MALRD1: variants seen among roughly 807,000 people sequenced by gnomAD.
MALRD1 encodes the protein MAM and LDL-receptor class A domain-containing protein 1.
Under a neutral mutation model 242.1 loss-of-function variants are expected in MALRD1, and 247 were observed. The observed-to-expected ratio is 1.02, with a 90% CI of 0.92 to 1.13. The LOEUF (loss-of-function observed/expected upper bound fraction) is 1.13, where lower values mean the gene tolerates loss of function less well. Among genes scored for constraint, MALRD1 ranks in the 50% most tolerant of loss-of-function variants. MALRD1 has a pLI of 0.00. For synonymous variants in MALRD1, 995 were observed against 866.6 expected (o/e 1.15, Z -2.60); for missense variants, 2,989 against 2,533.1 (o/e 1.18, Z -3.86).
intron 31 of MALRD1, among the ~76,000 whole-genome samples, chr10:19,506,583 GATATAT>G (rs754924780): frequency 2.4e-4 from 36 of 150,986 alleles, no homozygotes; most frequent in African/African-American, 7.5e-4. Flanking sequence ...ATATTGTTGA[GATATAT>G]ATATATATTT....
chr10:19,481,988 A>T (rs147992034), intron 29 of MALRD1, among the ~76,000 whole-genome samples: 2,401 of 152,086 alleles, frequency 0.016, 28 homozygotes, highest in Non-Finnish European at 0.026. Flanking sequence ...ATCGTGTCTG[A>T]TAGTTGCTCA....
At chr10:19,177,180 T>C (rs1048724525) in intron 14 of MALRD1, among the ~76,000 whole-genome samples, 13 of 150,198 alleles carry the variant, frequency 8.7e-5, no homozygotes, top group Non-Finnish European at 1.5e-4. Flanking sequence ...CTAGGGAGGC[T>C]GAGGCAGGAG....
At chr10:19,721,205 AT>A (rs1238450450) in intron 38 of MALRD1, among the ~76,000 whole-genome samples, 4 of 152,136 alleles carry the variant, frequency 2.6e-5, no homozygotes, top group Non-Finnish European at 5.9e-5. Context: ...AGAATATCTT[AT>A]TTTTATTGGA....
upstream of MALRD1, among the ~76,000 whole-genome samples, chr10:19,048,133 A>T (rs191744287): frequency 6.6e-6 from 1 of 152,214 alleles, no homozygotes; most frequent in Non-Finnish European, 1.5e-5. Flanking sequence ...ATGAATTGAC[A>T]GGTGAATTCT....
chr10:19,626,010 A>C (rs1329415862), intron 36 of MALRD1, among the ~76,000 whole-genome samples: 1 of 152,150 alleles, frequency 6.6e-6, no homozygotes, highest in African/African-American at 2.4e-5. Context: ...AATCATTCCA[A>C]AGTTTCAAAA....
intron 2 of MALRD1, among the ~76,000 whole-genome samples, chr10:19,087,062 A>T (rs1158237905): frequency 6.6e-6 from 1 of 151,932 alleles, no homozygotes; most frequent in Admixed American, 6.6e-5. Context: ...CAGCTATCTT[A>T]TCTGTATTTT....
intron 38 of MALRD1, among the ~76,000 whole-genome samples, chr10:19,707,265 T>C (rs12763455): frequency 1.3e-5 from 2 of 152,066 alleles, no homozygotes; most frequent in Non-Finnish European, 2.9e-5. Context: ...CAGCTTAAGG[T>C]GGTAACAGGC....
chr10:19,268,922 G>A (rs1286976043), intron 19 of MALRD1, among the ~76,000 whole-genome samples: 1 of 152,198 alleles, frequency 6.6e-6, no homozygotes, highest in Non-Finnish European at 1.5e-5. Context: ...CCACATGACA[G>A]ATGTACAGGT....
intron 36 of MALRD1, among the ~76,000 whole-genome samples, chr10:19,632,255 C>T (rs566179503): frequency 1.3e-5 from 2 of 152,252 alleles, no homozygotes; most frequent in East Asian, 3.9e-4. Flanking sequence ...CTGGTTACTG[C>T]CATCGTGAAG....
At chr10:19,136,339 G>GTTT (rs60455365) in intron 9 of MALRD1, among the ~76,000 whole-genome samples, 2 of 145,048 alleles carry the variant, frequency 1.4e-5, no homozygotes, top group African/African-American at 2.5e-5. Flanking sequence ...GTTTCCATCA[G>GTTT]TTTTTTTTTT....
intron 28 of MALRD1, among the ~76,000 whole-genome samples, chr10:19,406,120 T>C (rs1847092587): frequency 6.6e-6 from 1 of 152,182 alleles, no homozygotes; most frequent in Non-Finnish European, 1.5e-5. Flanking sequence ...GAGTTGCAAA[T>C]TGTTTTCAGG....
At chr10:19,073,285 A>G (rs984132159) in intron 2 of MALRD1, among the ~76,000 whole-genome samples, 1 of 152,100 alleles carries the variant, frequency 6.6e-6, no homozygotes, top group Admixed American at 6.6e-5. Context: ...AATGTATTAT[A>G]AATGTATATT....
intron 29 of MALRD1, among the ~76,000 whole-genome samples, chr10:19,485,662 GTAA>G (rs1188392814): frequency 1.4e-5 from 2 of 140,064 alleles, no homozygotes; most frequent in Admixed American, 7.2e-5. Context: ...AAAAAAAATA[GTAA>G]TAATAATAAA....
intron 5 of MALRD1, among the ~76,000 whole-genome samples, chr10:19,118,935 A>T (rs1836968602): frequency 1.3e-5 from 2 of 152,200 alleles, no homozygotes; most frequent in African/African-American, 4.8e-5. Flanking sequence ...TAAGCAGAGG[A>T]GACATGATCT....
chr10:19,237,708 A>G (rs1178854996), intron 18 of MALRD1, among the ~76,000 whole-genome samples: 3 of 115,076 alleles, frequency 2.6e-5, no homozygotes, highest in African/African-American at 6.9e-5. Flanking sequence ...ATAATTATAT[A>G]TATATTTATA....
At position 19,260,312 on chromosome 10, in the gene MALRD1, T is replaced by C. The variant is rs572792037; in HGVS notation, c.3079+2541T>C. Among the ~76,000 whole-genome samples the C allele has an allele frequency of 7.9e-4, 121 of 152,276 alleles. 1 individual carries two copies. Among genetic ancestry groups the C allele is most frequent in the Admixed American group, 2.1e-3 (32 of 15,286 alleles). On this transcript the variant is annotated intron_variant, in intron 19 of 39. Transcript: ENST00000454679. ...AGATAGACAGACAGATAGATCTTAA[T>C]CATAGCTCTGTGTAATTTCATGTAG...
intron 26 of MALRD1, among the ~76,000 whole-genome samples, chr10:19,361,720 G>T (rs1844903348): frequency 6.6e-6 from 1 of 152,046 alleles, no homozygotes; most frequent in Non-Finnish European, 1.5e-5. Flanking sequence ...ATTTCTGGAA[G>T]ACCTCAATAG....
chr10:19,052,691 G>T (rs1328385976), intron 1 of MALRD1, among the ~76,000 whole-genome samples: 1 of 150,958 alleles, frequency 6.6e-6, no homozygotes, highest in Non-Finnish European at 1.5e-5. Context: ...GGTGTGTGGG[G>T]TGCTTTGCCT....
intron 36 of MALRD1, among the ~76,000 whole-genome samples, chr10:19,673,601 T>C (rs2131770826): frequency 6.6e-6 from 1 of 152,248 alleles, no homozygotes; most frequent in South Asian, 2.1e-4. Flanking sequence ...ACTAGGCAAA[T>C]ATTGGCTTAT....
Sources: allele counts gnomAD v4.1 joint callset (sites outside exome capture counted in the v4.1 genomes callset), GRCh38; gene constraint gnomAD v4.1.1; transcripts MANE v1.5; gene names NCBI Gene and HGNC (gene_info 2026-07-23, HGNC 2026-07-21).